Variants in SMCHD1 observed in about 807,000 individuals in gnomAD.
SMCHD1 encodes structural maintenance of chromosomes flexible hinge domain containing 1.
In SMCHD1, 78 loss-of-function variants were observed where a neutral mutation model predicts 254.7. That is an observed-to-expected ratio of 0.31 (90% CI 0.26 to 0.37). SMCHD1 has a LOEUF of 0.37. Among genes scored for constraint, SMCHD1 ranks in the 10% least tolerant of loss-of-function variants. The pLI is 1.00. For missense variants in SMCHD1, 1,840 were observed against 2,408.1 expected, an observed-to-expected ratio of 0.76 and a Z score of 4.94; for synonymous variants, 766 against 794.9, an observed-to-expected ratio of 0.96 and a Z score of 0.61.
At chr18:2,775,625 T>C (rs910936049) in intron 41 of SMCHD1, 109 bp from the exon 42 acceptor site, 1 of 745,984 alleles carries the variant, frequency 1.3e-6, no homozygotes, top group Non-Finnish European at 2.0e-6. Flanking sequence ...TTATTTTTAA[T>C]TCATGTGTTT....
At chr18:2,725,183 A>ATT (rs1021174431) in intron 21 of SMCHD1, among the ~76,000 whole-genome samples, 188 bp downstream of exon 21, 17 of 152,132 alleles carry the variant, frequency 1.1e-4, no homozygotes, top group African/African-American at 3.6e-4. Flanking sequence ...AAGTTGGCAC[A>ATT]TTTACTACTG....
In SMCHD1 at chr18:2,655,845, C is replaced by T; in HGVS notation, c.-231C>T. On this transcript the variant is annotated 5_prime_UTR_variant, in exon 1 of 48. Coordinates refer to ENST00000320876, the MANE Select transcript of SMCHD1 (RefSeq NM_015295.3). ...CGCGTCCCCTTCTCCTCAGGAGTGG[C>T]GGGCCGCGGAAGTGACGTGGTGCAC... 1 of 349,772 alleles carries T rather than the reference C, an allele frequency of 2.9e-6. No individual in the cohort carries two copies. The highest frequency in any genetic ancestry group is 5.1e-6 in the Non-Finnish European group (1 of 195,024). The allele number at this position is 349,772 out of a possible 1,614,324, so 21.7% of individuals were successfully genotyped here.
chr18:2,799,331 A>T (rs1441712762), intron 47 of SMCHD1, among the ~76,000 whole-genome samples: 1 of 152,180 alleles, frequency 6.6e-6, no homozygotes, highest in Non-Finnish European at 1.5e-5. Flanking sequence ...GCTACGTTGC[A>T]AGTACTCTGG....
At position 2,700,517 on chromosome 18, in the gene SMCHD1, TC is replaced by T. The variant is rs1260812236; in HGVS notation, c.1343-20del. 13 of 1,585,612 alleles carry T rather than the reference TC, an allele frequency of 8.2e-6. No homozygotes were observed. The Admixed American group carries it at 2.5e-4, about 30-fold the overall frequency. Reference sequence around the variant, plus strand: ...CACATTTTAGCAATAAACATTTTGTTCCATTTGCCCTTTTGATCTAGAATTA... The same window carrying T: ...CACATTTTAGCAATAAACATTTTGTTCATTTGCCCTTTTGATCTAGAATTA... On this transcript the variant is annotated intron_variant, in intron 10 of 47. Transcript: ENST00000320876.
intron 15 of SMCHD1, 112 bp from the exon 16 acceptor site, chr18:2,707,451 C>T (rs1038732149): frequency 1.7e-6 from 1 of 594,918 alleles, no homozygotes; most frequent in Non-Finnish European, 2.7e-6. Flanking sequence ...CAGATTTAAC[C>T]TTTTAAAATA....
In SMCHD1 at chr18:2,762,143, A is replaced by G. The variant is rs1290109292; in HGVS notation, c.4473A>G (p.Leu1491=). Residue 1491 remains leucine (L), a synonymous_variant, in exon 36 of 48, where the codon TTA becomes TTG. Coordinates refer to ENST00000320876, the MANE Select transcript of SMCHD1 (RefSeq NM_015295.3). ...TCCTGCCTAATCAACCTGTGAAGTT[A>G]GTACCTAAAATTAAACCACCTACAC... is the stretch of plus-strand genomic sequence containing the variant. The part of the protein sequence containing the change: ...VEVLPNQPVK[L]VPKIKPPTPA... 2 of 1,613,682 alleles carry G rather than the reference A, an allele frequency of 1.2e-6. No individual in the cohort carries two copies. Among genetic ancestry groups the G allele is most frequent in the Non-Finnish European group, 1.7e-6 (2 of 1,179,630 alleles).
chr18:2,673,080 G>A, intron 3 of SMCHD1: 5 of 985,386 alleles, frequency 5.1e-6, no homozygotes, highest in Non-Finnish European at 6.0e-6. Context: ...TGCCATACAA[G>A]TACTGATTGA....
intron 12 of SMCHD1, chr18:2,701,154 A>G: frequency 3.5e-6 from 1 of 281,816 alleles, no homozygotes; most frequent in Non-Finnish European, 6.4e-6. Context: ...TATCTTCATT[A>G]GTTTTTTTTG....
intron 5 of SMCHD1, among the ~76,000 whole-genome samples, chr18:2,675,262 C>CTTTTTT (rs35137947): frequency 7.7e-6 from 1 of 129,688 alleles, no homozygotes; most frequent in Admixed American, 7.7e-5. Flanking sequence ...TGACCTCAGC[C>CTTTTTT]TTTTTTTTTT....
chr18:2,789,000 G>A (rs1402210707), intron 45 of SMCHD1, among the ~76,000 whole-genome samples: 1 of 150,008 alleles, frequency 6.7e-6, no homozygotes, highest in African/African-American at 2.4e-5. Flanking sequence ...GAATATCACA[G>A]CTTTGTTTTT....
chr18:2,784,735 C>G (rs2076211405), intron 45 of SMCHD1, 114 bp downstream of exon 45: 1 of 1,169,260 alleles, frequency 8.6e-7, no homozygotes, highest in African/African-American at 1.6e-5. Flanking sequence ...AAGTAAGTAA[C>G]AAATGTAAGT....
At position 2,760,746 on chromosome 18, in the gene SMCHD1, T is replaced by C. The variant is rs780929470; in HGVS notation, c.4434+7T>C. On this transcript the variant is annotated splice_region_variant and intron_variant, in intron 35 of 47. Transcript: ENST00000320876. ...TATTCTCAACAGTGAACAGGTTTGCTTACTTTTTTTATATACCACAGTTAG... is the reference window on the plus strand; with the variant it reads ...TATTCTCAACAGTGAACAGGTTTGCCTACTTTTTTTATATACCACAGTTAG... 4.5e-6 allele frequency: 7 copies of C among 1,552,108 alleles called. No individual in the cohort carries two copies. The highest frequency in any genetic ancestry group is 6.2e-6 in the Non-Finnish European group (7 of 1,127,826).
At chr18:2,711,155 T>C (rs1202144664) in intron 17 of SMCHD1, among the ~76,000 whole-genome samples, 1 of 151,936 alleles carries the variant, frequency 6.6e-6, no homozygotes, top group Non-Finnish European at 1.5e-5. Flanking sequence ...TTTTTTTTTC[T>C]TTTTATCAAT....
intron 1 of SMCHD1, among the ~76,000 whole-genome samples, chr18:2,659,336 T>G (rs775299102): frequency 6.6e-6 from 1 of 152,224 alleles, no homozygotes; most frequent in Non-Finnish European, 1.5e-5. Flanking sequence ...CAGGCTGATC[T>G]TGAACTCCTG....
intron 44 of SMCHD1, among the ~76,000 whole-genome samples, chr18:2,780,586 C>T (rs1247192907): frequency 6.6e-6 from 1 of 152,178 alleles, no homozygotes; most frequent in Non-Finnish European, 1.5e-5. Context: ...AACCGGAAGA[C>T]TCCTGTTCAA....
At chr18:2,793,735 G>T (rs946015630) in intron 45 of SMCHD1, among the ~76,000 whole-genome samples, 1 of 151,566 alleles carries the variant, frequency 6.6e-6, no homozygotes, top group Non-Finnish European at 1.5e-5. Flanking sequence ...TCAATAAAGC[G>T]TAAGGAACTT....
chr18:2,698,092 C>A, intron 10 of SMCHD1, 51 bp downstream of exon 10: 1 of 1,404,228 alleles, frequency 7.1e-7, no homozygotes, highest in Non-Finnish European at 9.9e-7. Flanking sequence ...TAATTTAGGA[C>A]AGTGATTTGT....
intron 32 of SMCHD1, 31 bp from the exon 33 acceptor site, chr18:2,751,247 A>C: frequency 2.4e-6 from 3 of 1,239,364 alleles, no homozygotes; most frequent in Non-Finnish European, 3.5e-6. Flanking sequence ...TGAACTAGAA[A>C]GAGATAATTT....
intron 24 of SMCHD1, among the ~76,000 whole-genome samples, chr18:2,729,936 C>G (rs1237646887): frequency 3.9e-5 from 6 of 152,098 alleles, no homozygotes; most frequent in African/African-American, 2.4e-5. Flanking sequence ...CTGATCTCAA[C>G]TTCCTGTCCA....
Sources: gnomAD v4.1 joint callset for allele counts (sites outside exome capture counted in the v4.1 genomes callset) on GRCh38, gnomAD v4.1.1 for gene constraint, MANE v1.5 for transcripts, NCBI Gene and HGNC (gene_info 2026-07-23, HGNC 2026-07-21) for gene names.